The following PTPRT variants were observed in gnomAD, a reference collection of about 807,000 sequenced individuals.
The protein encoded by PTPRT is receptor-type tyrosine-protein phosphatase T.
PTPRT carries 56 observed loss-of-function variants against 176.8 expected under a neutral mutation model. The ratio of observed to expected loss-of-function variants is 0.32; its 90% CI spans 0.26 to 0.40. PTPRT has a LOEUF of 0.40. Among genes scored for constraint, PTPRT ranks in the 10% least tolerant of loss-of-function variants. The probability of loss-of-function intolerance (pLI) is 1.00; values close to 1 mark genes in which losing one functional copy is unlikely to be tolerated. For synonymous variants in PTPRT, 783 were observed against 739.0 expected (o/e 1.06, Z -0.96); for missense variants, 1,540 against 1,908.2 (o/e 0.81, Z 3.60).
intron 1 of PTPRT, among the ~76,000 whole-genome samples, chr20:43,077,251 G>A (rs1043216492): frequency 1.3e-5 from 2 of 152,158 alleles, no homozygotes. Flanking sequence ...AGGGCTTCAT[G>A]TGCATTATCT....
intron 5 of PTPRT, among the ~76,000 whole-genome samples, chr20:42,758,387 A>G (rs1222130792): frequency 8.5e-5 from 13 of 152,130 alleles, no homozygotes; most frequent in Non-Finnish European, 1.5e-5. Flanking sequence ...CTATGGCAGC[A>G]AATGAGGGGA....
At chr20:42,034,542 G>A in the PTPRT span, among the ~76,000 whole-genome samples, 8 of 152,152 alleles carry the variant, frequency 5.3e-5, no homozygotes, top group African/African-American at 1.9e-4. Flanking sequence ...TCAGGCCAGA[G>A]GCTGTGGACC....
chr20:42,299,062 C>T (rs916654956), intron 12 of PTPRT, among the ~76,000 whole-genome samples: 1 of 151,730 alleles, frequency 6.6e-6, no homozygotes, highest in East Asian at 1.9e-4. Flanking sequence ...ATATAACATA[C>T]ATTGACTTCA....
intron 16 of PTPRT, 97 bp downstream of exon 16, chr20:42,199,143 C>T: frequency 1.4e-6 from 2 of 1,436,324 alleles, no homozygotes; most frequent in Non-Finnish European, 9.5e-7. Flanking sequence ...ATACCCTATG[C>T]CTGGCAGCAC....
At chr20:42,605,393 T>C (rs1324629117) in intron 7 of PTPRT, among the ~76,000 whole-genome samples, 1 of 152,122 alleles carries the variant, frequency 6.6e-6, no homozygotes, top group Non-Finnish European at 1.5e-5. Context: ...AGTCCCTGAG[T>C]GAGAAAAGCT....
intron 7 of PTPRT, among the ~76,000 whole-genome samples, chr20:42,587,191 C>T (rs116683378): frequency 0.024 from 3,698 of 152,276 alleles, 135 homozygotes; most frequent in African/African-American, 0.08. Flanking sequence ...AGATAAGTTC[C>T]CACTCATGAC....
intron 1 of PTPRT, among the ~76,000 whole-genome samples, chr20:43,098,399 A>G (rs1468710428): frequency 6.6e-6 from 1 of 152,100 alleles, no homozygotes; most frequent in Admixed American, 6.5e-5. Flanking sequence ...TCCCAGGATC[A>G]TTTTGTACAT....
intron 1 of PTPRT, among the ~76,000 whole-genome samples, chr20:43,133,085 C>T (rs989705775): frequency 6.6e-6 from 1 of 151,866 alleles, no homozygotes; most frequent in African/African-American, 2.4e-5. Flanking sequence ...GGAAGAGGGG[C>T]GGACATCAAC....
intron 1 of PTPRT, among the ~76,000 whole-genome samples, chr20:43,077,970 G>A (rs1415943459): frequency 6.6e-6 from 1 of 152,094 alleles, no homozygotes; most frequent in Non-Finnish European, 1.5e-5. Flanking sequence ...TTTCTTCAGG[G>A]ACACCCTCCC....
chr20:42,846,656 A>T (rs1176023946), intron 2 of PTPRT, among the ~76,000 whole-genome samples: 3 of 152,220 alleles, frequency 2.0e-5, no homozygotes, highest in African/African-American at 7.2e-5. Flanking sequence ...TTGCAAGCCC[A>T]GCTGTCTGGG....
chr20:43,070,145 C>G (rs977208180), intron 1 of PTPRT, among the ~76,000 whole-genome samples: 3 of 152,130 alleles, frequency 2.0e-5, no homozygotes, highest in Non-Finnish European at 2.9e-5. Context: ...ACTCTCCAAA[C>G]TTTCAAGATG....
At chr20:42,087,829 C>T (rs1289553803) in intron 27 of PTPRT, among the ~76,000 whole-genome samples, 12 of 138,660 alleles carry the variant, frequency 8.7e-5, no homozygotes, top group African/African-American at 1.9e-4. Flanking sequence ...GTGGAGATCA[C>T]GCCACTGTAC....
chr20:42,335,634 C>T (rs2058029227), intron 11 of PTPRT, among the ~76,000 whole-genome samples: 1 of 151,976 alleles, frequency 6.6e-6, no homozygotes, highest in South Asian at 2.1e-4. Context: ...AAATTATAAA[C>T]AAATTTGAGA....
At chr20:43,131,519 G>A (rs1052574440) in intron 1 of PTPRT, among the ~76,000 whole-genome samples, 4 of 152,010 alleles carry the variant, frequency 2.6e-5, no homozygotes, top group Non-Finnish European at 5.9e-5. Context: ...AATTTTCCTC[G>A]ACCAAATTTG....
At chr20:42,667,624 C>T (rs938341508) in intron 7 of PTPRT, among the ~76,000 whole-genome samples, 1 of 152,072 alleles carries the variant, frequency 6.6e-6, no homozygotes, top group African/African-American at 2.4e-5. Flanking sequence ...AAATTTCAAC[C>T]CTGAAATTTA....
intron 2 of PTPRT, among the ~76,000 whole-genome samples, chr20:42,861,430 C>T (rs1247067745): frequency 1.3e-5 from 2 of 151,948 alleles, no homozygotes; most frequent in African/African-American, 4.8e-5. Context: ...TCAAAATAAT[C>T]AAAATATTTT....
chr20:43,066,068 A>G (rs1200102374), intron 1 of PTPRT, among the ~76,000 whole-genome samples: 1 of 152,162 alleles, frequency 6.6e-6, no homozygotes, highest in African/African-American at 2.4e-5. Flanking sequence ...TCTCTCAGAC[A>G]AAAGATTTCC....
chr20:42,924,923 G>A (rs549919666), intron 1 of PTPRT, among the ~76,000 whole-genome samples: 8 of 152,192 alleles, frequency 5.3e-5, no homozygotes, highest in Non-Finnish European at 1.2e-4. Context: ...TAGTTCAGGG[G>A]TTGGACTTGA....
chr20:42,656,175 G>A (rs1381097966), intron 7 of PTPRT, among the ~76,000 whole-genome samples: 2 of 152,178 alleles, frequency 1.3e-5, no homozygotes, highest in Admixed American at 6.5e-5. Flanking sequence ...TCTTAGGTAT[G>A]GAGGCATGGC....
Sources: gnomAD v4.1 joint callset for allele counts (sites outside exome capture counted in the v4.1 genomes callset) on GRCh38, gnomAD v4.1.1 for gene constraint, MANE v1.5 for transcripts, NCBI Gene and HGNC (gene_info 2026-07-23, HGNC 2026-07-21) for gene names.